Variants in SNTG2 observed in about 807,000 individuals in gnomAD.
SNTG2 encodes the protein syntrophin gamma 2, also known as gamma-2-syntrophin.
Under a neutral mutation model 70.9 loss-of-function variants are expected in SNTG2, and 74 were observed. The observed-to-expected ratio is 1.04, with a 90% CI of 0.86 to 1.27. The LOEUF (loss-of-function observed/expected upper bound fraction) is 1.27. Ranked by LOEUF, SNTG2 falls within the 50% of genes most tolerant of loss-of-function variation. The pLI is 0.00. For missense variants in SNTG2, 717 were observed against 690.7 expected, an observed-to-expected ratio of 1.04 and a Z score of -0.43; for synonymous variants, 278 against 273.8, an observed-to-expected ratio of 1.02 and a Z score of -0.15.
intron 1 of SNTG2, among the ~76,000 whole-genome samples, chr2:1,078,187 G>A (rs916317803): frequency 5.9e-5 from 9 of 152,206 alleles, no homozygotes; most frequent in African/African-American, 1.7e-4. Context: ...CCTCGGATAT[G>A]CCAGGCTGGG....
At chr2:1,283,118 A>G (rs1164825160) in intron 14 of SNTG2, among the ~76,000 whole-genome samples, 3 of 152,132 alleles carry the variant, frequency 2.0e-5, no homozygotes, top group Non-Finnish European at 4.4e-5. Context: ...GGCTGCAGCC[A>G]TGGACAAAGC....
At chr2:1,177,619 AAG>A (rs1466272283) in intron 8 of SNTG2, among the ~76,000 whole-genome samples, 1 of 152,326 alleles carries the variant, frequency 6.6e-6, no homozygotes, top group East Asian at 1.9e-4. Flanking sequence ...AAGTATGAAA[AAG>A]AAATTAATTC....
At chr2:1,190,965 T>C (rs575604761) in intron 8 of SNTG2, among the ~76,000 whole-genome samples, 10 of 152,226 alleles carry the variant, frequency 6.6e-5, no homozygotes, top group Non-Finnish European at 1.5e-4. Context: ...ATTGCACTTA[T>C]GGATACAAAC....
chr2:1,058,432 A>G (rs931095304), intron 1 of SNTG2, among the ~76,000 whole-genome samples: 1 of 152,200 alleles, frequency 6.6e-6, no homozygotes, highest in African/African-American at 2.4e-5. Flanking sequence ...CCCTGTTTTC[A>G]TCTTACATAA....
chr2:951,170 C>T (rs1006045228), intron 1 of SNTG2, 102 bp downstream of exon 1: 24 of 538,558 alleles, frequency 4.5e-5, no homozygotes, highest in African/African-American at 5.9e-5. Context: ...CCTCGCTCCC[C>T]GCGACCCCTT....
intron 12 of SNTG2, among the ~76,000 whole-genome samples, chr2:1,249,692 A>T (rs930460921): frequency 3.9e-5 from 6 of 152,268 alleles, no homozygotes; most frequent in African/African-American, 1.2e-4. Flanking sequence ...GTTGTAAATT[A>T]TGAGACCCTG....
chr2:1,293,691 A>G (rs1178758596), intron 14 of SNTG2, among the ~76,000 whole-genome samples: 2 of 151,564 alleles, frequency 1.3e-5, no homozygotes, highest in Non-Finnish European at 2.9e-5. Flanking sequence ...GTTACATTCC[A>G]ATAAGTTCAA....
chr2:1,361,068 C>T (rs1487890636), intron 16 of SNTG2, among the ~76,000 whole-genome samples: 3 of 152,252 alleles, frequency 2.0e-5, no homozygotes, highest in Non-Finnish European at 2.9e-5. Flanking sequence ...CAGTAAACTG[C>T]GTCCTTGGGG....
intron 16 of SNTG2, among the ~76,000 whole-genome samples, chr2:1,350,799 A>G (rs1183691720): frequency 6.6e-6 from 1 of 152,192 alleles, no homozygotes; most frequent in Non-Finnish European, 1.5e-5. Flanking sequence ...GAAAAGAAAG[A>G]AAAGCCCAAC....
At chr2:1,119,719 A>G (rs1270468560) in intron 4 of SNTG2, among the ~76,000 whole-genome samples, 1 of 152,168 alleles carries the variant, frequency 6.6e-6, no homozygotes, top group East Asian at 1.9e-4. Flanking sequence ...AGCACCACAG[A>G]AAATTATCAC....
chr2:1,243,967 A>T (rs112741998), intron 11 of SNTG2, among the ~76,000 whole-genome samples: 1 of 152,286 alleles, frequency 6.6e-6, no homozygotes, highest in African/African-American at 2.4e-5. Flanking sequence ...CGGAGGTTGC[A>T]GTGAGCCAAG....
At chr2:1,036,703 T>C (rs958630864) in intron 1 of SNTG2, among the ~76,000 whole-genome samples, 1 of 148,408 alleles carries the variant, frequency 6.7e-6, no homozygotes, top group Non-Finnish European at 1.5e-5. Flanking sequence ...GTTATAATTG[T>C]TCTGTGATTT....
Position 1,151,433 on chromosome 2 carries a change from G to A in SNTG2, c.411+13624G>A, listed in dbSNP as rs144129331. 2.8e-4 allele frequency among the ~76,000 whole-genome samples: 42 copies of A among 152,148 alleles called. No homozygotes were observed. The East Asian group carries it at 6.2e-3, about 22-fold the overall frequency. ...ACATTTCCTAATGTTTTGTTTTCCC[G>A]GTGCTACCTTCTGATAAATGTTGAG... On this transcript the variant is annotated intron_variant, in intron 6 of 16. Coordinates refer to ENST00000308624, the MANE Select transcript of SNTG2 (RefSeq NM_018968.4).
At chr2:1,235,251 A>G (rs28505461) in intron 9 of SNTG2, among the ~76,000 whole-genome samples, 24,169 of 89,600 alleles carry the variant, frequency 0.27, 4,009 homozygotes, top group African/African-American at 0.49. Context: ...CCCCTACCCC[A>G]TGCTGCCCTG....
At chr2:1,073,849 G>T (rs1283979377) in intron 1 of SNTG2, among the ~76,000 whole-genome samples, 1 of 152,138 alleles carries the variant, frequency 6.6e-6, no homozygotes. Flanking sequence ...TAGTTAAATG[G>T]TTATATGTTA....
chr2:1,122,205 C>CA (rs1403694320), intron 4 of SNTG2, among the ~76,000 whole-genome samples: 1 of 152,132 alleles, frequency 6.6e-6, no homozygotes, highest in Non-Finnish European at 1.5e-5. Flanking sequence ...GAATACTTCT[C>CA]AAACTCTTTC....
intron 16 of SNTG2, among the ~76,000 whole-genome samples, chr2:1,348,727 G>T (rs767806110): frequency 1.3e-5 from 2 of 152,142 alleles, no homozygotes; most frequent in Non-Finnish European, 2.9e-5. Flanking sequence ...TCCCGAGGGC[G>T]GTGTCACAGG....
intron 6 of SNTG2, among the ~76,000 whole-genome samples, chr2:1,142,893 C>T (rs1366231080): frequency 6.6e-6 from 1 of 152,186 alleles, no homozygotes; most frequent in Non-Finnish European, 1.5e-5. Context: ...CATTGCATTG[C>T]AATTCTTTAG....
At chr2:952,381 A>G (rs1476939773) in intron 1 of SNTG2, among the ~76,000 whole-genome samples, 5 of 152,214 alleles carry the variant, frequency 3.3e-5, no homozygotes, top group Non-Finnish European at 7.3e-5. Flanking sequence ...TCTTGCTTTT[A>G]ATCATTGTAA....
Sources: allele counts gnomAD v4.1 joint callset (sites outside exome capture counted in the v4.1 genomes callset), GRCh38; gene constraint gnomAD v4.1.1; transcripts MANE v1.5; gene names NCBI Gene and HGNC (gene_info 2026-07-23, HGNC 2026-07-21).